The following RINT1 variants were observed in gnomAD, a reference collection of about 807,000 sequenced individuals.
The protein encoded by RINT1 is RAD50 interactor 1.
A neutral mutation model predicts 97.7 loss-of-function variants in RINT1; 75 were observed. The ratio of observed to expected loss-of-function variants is 0.77; its 90% CI spans 0.64 to 0.93. The LOEUF (loss-of-function observed/expected upper bound fraction) is 0.93. RINT1 is among the 40% of genes least tolerant of loss of function. The probability of loss-of-function intolerance (pLI) is 0.00; values close to 1 mark genes in which losing one functional copy is unlikely to be tolerated. For synonymous variants in RINT1, 303 were observed against 326.3 expected, an observed-to-expected ratio of 0.93 and a Z score of 0.77; for missense variants, 892 against 925.2, an observed-to-expected ratio of 0.96 and a Z score of 0.47.
chr7:105,539,068 A>G (rs1790356128), intron 3 of RINT1, among the ~76,000 whole-genome samples: 1 of 152,164 alleles, frequency 6.6e-6, no homozygotes, highest in Non-Finnish European at 1.5e-5. Flanking sequence ...ACTTTTTGTC[A>G]TTCATCTTTT....
At chr7:105,554,902 A>C in intron 10 of RINT1, 126 bp from the exon 11 acceptor site, 1 of 698,596 alleles carries the variant, frequency 1.4e-6, no homozygotes, top group Non-Finnish European at 2.4e-6. Flanking sequence ...TCAGAAATAA[A>C]TCCATTCTTG....
chr7:105,532,224 C>T lies in RINT1; in HGVS notation c.-92C>T, dbSNP rs1488982748. On this transcript the variant is annotated 5_prime_UTR_variant, in exon 1 of 15. Transcript: ENST00000257700. ...CTGTGGCACTCAGTCCTACGGCCTC[C>T]GAGGCTGGGTAGTGAGTGTGTCGCT... The T allele has an allele frequency of 2.1e-6, 3 of 1,420,758 alleles. No homozygotes were observed. In the East Asian group the frequency reaches 7.5e-5, roughly 36 times the overall value. The allele number at this position is 1,420,758 out of a possible 1,614,324, so 88.0% of individuals were successfully genotyped here.
chr7:105,555,953 G>A (rs1012908057), intron 11 of RINT1, among the ~76,000 whole-genome samples: 3 of 152,110 alleles, frequency 2.0e-5, no homozygotes, highest in African/African-American at 7.2e-5. Flanking sequence ...GTGAGACCCT[G>A]TCTCTACAAA....
intron 4 of RINT1, among the ~76,000 whole-genome samples, chr7:105,546,474 C>T (rs1790670179): frequency 6.6e-6 from 1 of 152,102 alleles, no homozygotes; most frequent in Non-Finnish European, 1.5e-5. Flanking sequence ...AAAACAAAGG[C>T]TACCTCAGGG....
intron 11 of RINT1, among the ~76,000 whole-genome samples, chr7:105,562,165 T>C (rs1056989084): frequency 6.6e-6 from 1 of 152,254 alleles, no homozygotes; most frequent in South Asian, 2.1e-4. Context: ...ATCTTGAGAT[T>C]GTTCCATTTC....
Position 105,551,725 on chromosome 7 carries a change from G to T in RINT1, c.1471+18G>T. On this transcript the variant is annotated intron_variant, in intron 10 of 14. Transcript: ENST00000257700. Reference sequence around the variant, plus strand: ...TATAACTGGTAAGTATGTCTTTTAAGATATGACTTTGTTTTAAAAGTACTG... The same window carrying T: ...TATAACTGGTAAGTATGTCTTTTAATATATGACTTTGTTTTAAAAGTACTG... 3.8e-6 allele frequency: 6 copies of T among 1,572,596 alleles called. No homozygotes were observed. Among genetic ancestry groups the T allele is most frequent in the Non-Finnish European group, 4.3e-6 (5 of 1,159,346 alleles).
chr7:105,561,451 C>A (rs1459498976), intron 11 of RINT1, among the ~76,000 whole-genome samples: 1 of 152,066 alleles, frequency 6.6e-6, no homozygotes, highest in Non-Finnish European at 1.5e-5. Flanking sequence ...TCGCCTGAAC[C>A]AGGGAGGGGA....
chr7:105,548,436 T>C, intron 6 of RINT1, 118 bp from the exon 7 acceptor site: 1 of 830,514 alleles, frequency 1.2e-6, no homozygotes. Flanking sequence ...GCATCATAAT[T>C]AACTCTACTG....
chr7:105,559,424 C>T (rs1791329402), intron 11 of RINT1, among the ~76,000 whole-genome samples: 1 of 151,620 alleles, frequency 6.6e-6, no homozygotes, highest in South Asian at 2.1e-4. Flanking sequence ...GCCTGTAGTC[C>T]CAGCTACTCA....
chr7:105,541,723 C>G (rs1486806569), intron 3 of RINT1: 1 of 152,136 alleles, frequency 6.6e-6, no homozygotes, highest in Non-Finnish European at 1.5e-5. Context: ...TTGCAGTGAG[C>G]TGAGATCACG....
intron 11 of RINT1, among the ~76,000 whole-genome samples, chr7:105,559,326 A>T (rs1346813034): frequency 6.6e-6 from 1 of 152,088 alleles, no homozygotes; most frequent in Non-Finnish European, 1.5e-5. Flanking sequence ...GGATCACCTG[A>T]GGTCAGGAGT....
Position 105,544,975 on chromosome 7 carries a change from A to G in RINT1, c.516-1935A>G, listed in dbSNP as rs529210853. Reference sequence around the variant, plus strand: ...ATGGCCTATTTTTATTCTGATGTACATTGTCTTTTTTTCAAGTAGTTTCTT... The same window carrying G: ...ATGGCCTATTTTTATTCTGATGTACGTTGTCTTTTTTTCAAGTAGTTTCTT... On this transcript the variant is annotated intron_variant, in intron 4 of 14. Coordinates refer to ENST00000257700, the MANE Select transcript of RINT1 (RefSeq NM_021930.6). Among the ~76,000 whole-genome samples the G allele has an allele frequency of 2.0e-5, 3 of 149,662 alleles. No homozygotes were observed. The South Asian group carries it at 6.3e-4, about 32-fold the overall frequency.
chr7:105,544,819 G>A (rs890096970), intron 4 of RINT1, among the ~76,000 whole-genome samples: 6 of 152,298 alleles, frequency 3.9e-5, no homozygotes, highest in African/African-American at 1.4e-4. Context: ...AAATTCATAA[G>A]CAGGTAGAGC....
intron 11 of RINT1, among the ~76,000 whole-genome samples, chr7:105,559,268 C>T (rs897754815): frequency 3.3e-5 from 5 of 151,258 alleles, no homozygotes; most frequent in African/African-American, 4.9e-5. Context: ...TGGCTGGGCA[C>T]GGTAGTTGTC....
chr7:105,567,561 G>A lies in RINT1; in HGVS notation c.*250G>A. 1.5e-6 allele frequency: 1 copy of A among 645,744 alleles called. No homozygotes were observed. The highest frequency in any genetic ancestry group is 2.7e-6 in the Non-Finnish European group (1 of 365,970). The allele number at this position is 645,744 out of a possible 1,614,324, so 40.0% of individuals were successfully genotyped here. A position where few individuals can be genotyped will look rare whatever the true frequency, so the allele number is the denominator to read the frequency against. ...ATTTACAAGTATAAATGCTGAGTATGTCTGTTGAAGACGAGCAGAGATATT... is the reference window on the plus strand; with the variant it reads ...ATTTACAAGTATAAATGCTGAGTATATCTGTTGAAGACGAGCAGAGATATT... On this transcript the variant is annotated 3_prime_UTR_variant, in exon 15 of 15. Transcript: ENST00000257700.
chr7:105,563,059 G>C (rs1157115147), intron 11 of RINT1, among the ~76,000 whole-genome samples: 1 of 148,406 alleles, frequency 6.7e-6, no homozygotes, highest in Non-Finnish European at 1.5e-5. Context: ...AATATTACCT[G>C]GCAATGTAAA....
At chr7:105,546,576 C>T (rs991210306) in intron 4 of RINT1, among the ~76,000 whole-genome samples, 1 of 152,124 alleles carries the variant, frequency 6.6e-6, no homozygotes, top group African/African-American at 2.4e-5. Flanking sequence ...GCAATCCGTT[C>T]TTTAAATTTG....
chr7:105,553,815 G>A (rs1440215539), intron 10 of RINT1, among the ~76,000 whole-genome samples: 2 of 150,612 alleles, frequency 1.3e-5, no homozygotes, highest in Non-Finnish European at 3.0e-5. Context: ...CCACCTCCTG[G>A]GTTCACACCA....
intron 10 of RINT1, among the ~76,000 whole-genome samples, 183 bp downstream of exon 10, chr7:105,551,890 A>G (rs1790943404): frequency 6.6e-6 from 1 of 152,076 alleles, no homozygotes; most frequent in Admixed American, 6.6e-5. Context: ...ACATGGTGAA[A>G]TGCCCTCTCT....
Sources: allele counts gnomAD v4.1 joint callset (sites outside exome capture counted in the v4.1 genomes callset), GRCh38; gene constraint gnomAD v4.1.1; transcripts MANE v1.5; gene names NCBI Gene and HGNC (gene_info 2026-07-23, HGNC 2026-07-21).